Variants in NEBL observed in about 807,000 individuals in gnomAD.
The protein encoded by NEBL is nebulette, also known as LIM and SH3 protein 2.
NEBL carries 122 observed loss-of-function variants against 140.2 expected under a neutral mutation model. The ratio of observed to expected loss-of-function variants is 0.87; its 90% CI spans 0.75 to 1.01. The LOEUF is 1.01. Among genes scored for constraint, NEBL ranks in the 50% least tolerant of loss-of-function variants. The probability of loss-of-function intolerance (pLI) is 0.00; values close to 1 mark genes in which losing one functional copy is unlikely to be tolerated. For missense variants in NEBL, 1,365 were observed against 1,231.3 expected, an observed-to-expected ratio of 1.11 and a Z score of -1.62; for synonymous variants, 436 against 398.9, an observed-to-expected ratio of 1.09 and a Z score of -1.11.
chr10:20,909,523 G>A (rs1265979896), intron 4 of NEBL, among the ~76,000 whole-genome samples: 1 of 152,086 alleles, frequency 6.6e-6, no homozygotes, highest in African/African-American at 2.4e-5. Flanking sequence ...AATAGAGCCT[G>A]CCTTTTCTAC....
At chr10:20,794,716 G>T (rs1379259052) in intron 26 of NEBL, among the ~76,000 whole-genome samples, 1 of 152,130 alleles carries the variant, frequency 6.6e-6, no homozygotes, top group Non-Finnish European at 1.5e-5. Context: ...TACTGAATCT[G>T]CACACAATAA....
chr10:20,822,893 T>C (rs1377605603), intron 19 of NEBL, among the ~76,000 whole-genome samples: 1 of 152,178 alleles, frequency 6.6e-6, no homozygotes, highest in East Asian at 1.9e-4. Context: ...CCCTAGATAG[T>C]GTACATTGTA....
chr10:21,041,371 C>A (rs1428828343), intron 2 of NEBL, among the ~76,000 whole-genome samples: 2 of 152,210 alleles, frequency 1.3e-5, no homozygotes, highest in Non-Finnish European at 2.9e-5. Flanking sequence ...TGCAAAGCCA[C>A]TGCAGCTTCA....
intron 26 of NEBL, among the ~76,000 whole-genome samples, chr10:20,795,603 C>T (rs1030141188): frequency 6.6e-6 from 1 of 151,972 alleles, no homozygotes; most frequent in Non-Finnish European, 1.5e-5. Context: ...TTCTTTTTCC[C>T]ATTGCCAATA....
chr10:21,133,229 A>C lies in NEBL; in HGVS notation c.164+39154T>G, dbSNP rs577729484. Among the ~76,000 whole-genome samples the C allele has an allele frequency of 2.6e-4, 40 of 152,298 alleles. No homozygotes were observed. In the South Asian group the frequency reaches 8.3e-3, roughly 32 times the overall value. On this transcript the variant is annotated intron_variant, in intron 2 of 6. Transcript: ENST00000417816. ...TTTGATTCTTGAAGCTGCAGCCCTC[A>C]CACCATTTACCTCAGTAGAAGTCCT...
At chr10:21,017,833 T>C (rs1414389636) in intron 3 of NEBL, among the ~76,000 whole-genome samples, 2 of 151,850 alleles carry the variant, frequency 1.3e-5, no homozygotes, top group African/African-American at 4.8e-5. Context: ...TTTTTTTTTT[T>C]TTTTCCCCAA....
chr10:21,071,240 T>A (rs555406094), intron 2 of NEBL, among the ~76,000 whole-genome samples: 74 of 150,058 alleles, frequency 4.9e-4, no homozygotes, highest in African/African-American at 1.3e-3. Context: ...TTATTATTTT[T>A]AAAAATAAAA....
chr10:21,107,996 T>C (rs1837800218), intron 2 of NEBL, among the ~76,000 whole-genome samples: 1 of 152,236 alleles, frequency 6.6e-6, no homozygotes, highest in African/African-American at 2.4e-5. Context: ...TTTGTATTTC[T>C]ATGGGATCGG....
chr10:21,120,728 G>A (rs1330526350), intron 2 of NEBL, among the ~76,000 whole-genome samples: 1 of 144,182 alleles, frequency 6.9e-6, no homozygotes, highest in East Asian at 2.1e-4. Context: ...ATGCAAGAGT[G>A]TTAGAGTGAA....
chr10:20,897,372 T>C, upstream of NEBL: 1 of 1,423,992 alleles, frequency 7.0e-7, no homozygotes, highest in South Asian at 1.7e-5. Context: ...CAGTGGTGTG[T>C]GAGTGAACAG....
intron 4 of NEBL, among the ~76,000 whole-genome samples, chr10:20,887,895 A>T (rs1269546548): frequency 6.6e-6 from 1 of 152,238 alleles, no homozygotes; most frequent in East Asian, 1.9e-4. Context: ...AAACAGTACC[A>T]TGTGACTGAC....
At chr10:21,116,306 T>C (rs1195186998) in intron 2 of NEBL, among the ~76,000 whole-genome samples, 1 of 152,136 alleles carries the variant, frequency 6.6e-6, no homozygotes, top group Non-Finnish European at 1.5e-5. Flanking sequence ...AGAGCCCTCT[T>C]TTTGGTTTGC....
chr10:21,049,229 T>A (rs1181658174), intron 2 of NEBL, among the ~76,000 whole-genome samples: 1 of 152,194 alleles, frequency 6.6e-6, no homozygotes, highest in Non-Finnish European at 1.5e-5. Flanking sequence ...AAAGGCTGGG[T>A]ACCATGGCCT....
In NEBL at chr10:20,785,437, C is replaced by A; in HGVS notation, c.*310G>T. ...CACACTACATTTAAGGGACAATCAA[C>A]TTCTCTATTAAAGTCTACAAAAATA... On this transcript the variant is annotated 3_prime_UTR_variant, in exon 28 of 28. Transcript: ENST00000377122. The A allele has an allele frequency of 2.6e-6, 1 of 378,984 alleles. No homozygotes were observed. The highest frequency in any genetic ancestry group is 5.0e-6 in the Non-Finnish European group (1 of 201,660). The allele number at this position is 378,984 out of a possible 1,614,324, so 23.5% of individuals were successfully genotyped here. A position where few individuals can be genotyped will look rare whatever the true frequency, so the allele number is the denominator to read the frequency against.
At chr10:20,960,512 A>G (rs55931617) in intron 4 of NEBL, among the ~76,000 whole-genome samples, 15,904 of 151,996 alleles carry the variant, frequency 0.1, 1,245 homozygotes, top group African/African-American at 0.22. Context: ...GCAAAAAACA[A>G]TGTGTACTTT....
At chr10:21,254,895 C>G (rs1842635220) in intron 1 of NEBL, among the ~76,000 whole-genome samples, 1 of 151,370 alleles carries the variant, frequency 6.6e-6, no homozygotes, top group Non-Finnish European at 1.5e-5. Context: ...GGCCGCTGGT[C>G]TAGACCAGGC....
At chr10:21,112,964 C>A in intron 2 of NEBL, 2 of 335,298 alleles carry the variant, frequency 6.0e-6, no homozygotes, top group Non-Finnish European at 5.6e-6. Context: ...AGTGATCTGC[C>A]CCTGGAAGTG....
chr10:21,202,298 T>C (rs1841749696), intron 3 of NEBL, among the ~76,000 whole-genome samples: 1 of 152,010 alleles, frequency 6.6e-6, no homozygotes, highest in Non-Finnish European at 1.5e-5. Flanking sequence ...TTATCATGAT[T>C]ATTATTTTTG....
Position 20,837,452 on chromosome 10 carries a change from CAAGAA to C in NEBL, c.1339-1834_1339-1830del, listed in dbSNP as rs1239647609. Among the ~76,000 whole-genome samples the C allele has an allele frequency of 2.6e-5, 4 of 151,306 alleles. No homozygotes were observed. The East Asian group carries it at 5.8e-4, about 22-fold the overall frequency. On this transcript the variant is annotated intron_variant, in intron 13 of 27. Coordinates refer to ENST00000377122, the MANE Select transcript of NEBL (RefSeq NM_006393.3). ...GGCTGAGAGAGGTGAAGAAGCTGCA[CAAGAA>C]AAGTTGGAAACTAGCAGAGGTTGGT...
Sources: allele counts gnomAD v4.1 joint callset (sites outside exome capture counted in the v4.1 genomes callset), GRCh38; gene constraint gnomAD v4.1.1; transcripts MANE v1.5; gene names NCBI Gene and HGNC (gene_info 2026-07-23, HGNC 2026-07-21).